The following HIVEP3 variants were observed in gnomAD, a reference collection of about 807,000 sequenced individuals.
HIVEP3 encodes the protein transcription factor HIVEP3.
In HIVEP3, 49 loss-of-function variants were observed where a neutral mutation model predicts 152.8. That is an observed-to-expected ratio of 0.32 (90% CI 0.26 to 0.41). The LOEUF is 0.41. Among genes scored for constraint, HIVEP3 ranks in the 10% least tolerant of loss-of-function variants. The probability of loss-of-function intolerance (pLI) is 1.00; values close to 1 mark genes in which losing one functional copy is unlikely to be tolerated. For synonymous variants in HIVEP3, 1,269 were observed against 1,289.0 expected, an observed-to-expected ratio of 0.98 and a Z score of 0.33; for missense variants, 2,790 against 3,103.3, an observed-to-expected ratio of 0.90 and a Z score of 2.40.
At chr1:41,963,277 C>T (rs1026869613) in intron 1 of HIVEP3, among the ~76,000 whole-genome samples, 1 of 152,210 alleles carries the variant, frequency 6.6e-6, no homozygotes, top group Non-Finnish European at 1.5e-5. Context: ...TCCCAAAGTG[C>T]TGGGATTACG....
chr1:41,855,024 A>C (rs367982373), intron 1 of HIVEP3, among the ~76,000 whole-genome samples: 2 of 95,066 alleles, frequency 2.1e-5, no homozygotes, highest in East Asian at 2.4e-4. Context: ...ATTTATACTC[A>C]TTTGGGTATA....
At chr1:41,776,711 C>G (rs1028495270) in intron 1 of HIVEP3, among the ~76,000 whole-genome samples, 1 of 152,242 alleles carries the variant, frequency 6.6e-6, no homozygotes, top group African/African-American at 2.4e-5. Context: ...AGGTGTTTCC[C>G]TCTCCATTTC....
chr1:41,891,546 G>A (rs1306774766), intron 1 of HIVEP3, among the ~76,000 whole-genome samples: 2 of 152,160 alleles, frequency 1.3e-5, no homozygotes, highest in Non-Finnish European at 2.9e-5. Flanking sequence ...GGGTCCACCA[G>A]GCCCAGCATT....
intron 2 of HIVEP3, among the ~76,000 whole-genome samples, chr1:41,668,244 G>A (rs1645825099): frequency 6.6e-6 from 1 of 152,248 alleles, no homozygotes; most frequent in Non-Finnish European, 1.5e-5. Flanking sequence ...TGGTTCCGGA[G>A]AGGCCTTGCA....
chr1:41,695,252 G>C (rs759806843), intron 2 of HIVEP3, among the ~76,000 whole-genome samples: 34 of 152,272 alleles, frequency 2.2e-4, no homozygotes, highest in Non-Finnish European at 4.6e-4. Context: ...TCTGGAGATG[G>C]CCCTCCAGAG....
intron 5 of HIVEP3, among the ~76,000 whole-genome samples, chr1:41,575,008 C>A (rs1644305781): frequency 6.6e-6 from 1 of 152,138 alleles, no homozygotes; most frequent in Non-Finnish European, 1.5e-5. Flanking sequence ...AAATATTCAC[C>A]AACCATTGAG....
intron 1 of HIVEP3, among the ~76,000 whole-genome samples, chr1:41,964,101 G>C (rs1645184267): frequency 6.6e-6 from 1 of 152,238 alleles, no homozygotes; most frequent in African/African-American, 2.4e-5. Flanking sequence ...AGTTATTAAA[G>C]GAAAACTTGT....
chr1:41,545,074 A>C (rs62653702), intron 5 of HIVEP3, among the ~76,000 whole-genome samples: 52,856 of 73,186 alleles, frequency 0.72, 18,162 homozygotes, highest in Non-Finnish European at 0.76. Context: ...ACCACCACCA[A>C]CATCACCACC....
intron 1 of HIVEP3, among the ~76,000 whole-genome samples, chr1:41,960,115 C>T (rs1403930733): frequency 1.3e-5 from 2 of 152,156 alleles, no homozygotes; most frequent in Non-Finnish European, 2.9e-5. Context: ...GCTCAGACCC[C>T]CTCAGGATGA....
intron 6 of HIVEP3, among the ~76,000 whole-genome samples, chr1:41,521,089 G>C (rs868753837): frequency 6.6e-6 from 1 of 152,164 alleles, no homozygotes; most frequent in African/African-American, 2.4e-5. Context: ...CCACTTGCCA[G>C]CTGTGGGCTC....
chr1:41,610,167 A>G (rs1273625325), intron 3 of HIVEP3, among the ~76,000 whole-genome samples: 1 of 152,122 alleles, frequency 6.6e-6, no homozygotes, highest in Non-Finnish European at 1.5e-5. Context: ...CTCTCTCTGT[A>G]TACACACACA....
intron 3 of HIVEP3, among the ~76,000 whole-genome samples, chr1:41,605,127 A>AAAGGG (rs1208601655): frequency 7.8e-5 from 10 of 127,782 alleles, no homozygotes; most frequent in Admixed American, 1.6e-4. Flanking sequence ...AAAAAAAGAG[A>AAAGGG]AAGGGAAGGG....
intron 2 of HIVEP3, among the ~76,000 whole-genome samples, chr1:41,686,224 A>G (rs1646113913): frequency 6.6e-6 from 1 of 151,862 alleles, no homozygotes; most frequent in African/African-American, 2.4e-5. Context: ...GGCACACACC[A>G]CCACGCCAGG....
intron 5 of HIVEP3, among the ~76,000 whole-genome samples, chr1:41,565,005 C>T (rs773747134): frequency 2.8e-4 from 42 of 152,134 alleles, no homozygotes; most frequent in Non-Finnish European, 5.4e-4. Flanking sequence ...ATGCACAGAG[C>T]GTCAGGTGCT....
chr1:41,909,333 T>C (rs1644761717), intron 1 of HIVEP3, among the ~76,000 whole-genome samples: 1 of 152,146 alleles, frequency 6.6e-6, no homozygotes, highest in African/African-American at 2.4e-5. Context: ...TTGGTAGACC[T>C]ACATTAATAT....
chr1:41,813,791 C>T (rs185495054), intron 1 of HIVEP3, among the ~76,000 whole-genome samples: 154 of 152,298 alleles, frequency 1.0e-3, no homozygotes, highest in African/African-American at 3.1e-3. Context: ...AGGGTCTTCA[C>T]AGCCAGCCTC....
chr1:41,670,528 C>A (rs1026896091), intron 2 of HIVEP3, among the ~76,000 whole-genome samples: 55 of 152,142 alleles, frequency 3.6e-4, no homozygotes, highest in African/African-American at 1.3e-3. Context: ...AAATCTCTGC[C>A]CCATGGAACT....
At chr1:42,006,327 C>T (rs1400925586) in intron 1 of HIVEP3, among the ~76,000 whole-genome samples, 1 of 152,068 alleles carries the variant, frequency 6.6e-6, no homozygotes, top group Non-Finnish European at 1.5e-5. Context: ...AAGTACCCTG[C>T]TAACTGCAAA....
rs545286503 is a variant in HIVEP3 at position 41,719,879 on chromosome 1, A to G, written c.-800-18884T>C. On this transcript the variant is annotated intron_variant, in intron 1 of 8. Coordinates refer to ENST00000372583, the MANE Select transcript of HIVEP3 (RefSeq NM_024503.5). ...AGTCCTATATCTGGTAAACTGGCAG[A>G]GCCAGGCTAGGAAGCCCAGACGCTT... Among the ~76,000 whole-genome samples, 9 of 152,352 alleles carry G rather than the reference A, an allele frequency of 5.9e-5. No homozygotes were observed. In the South Asian group the frequency reaches 1.9e-3, roughly 32 times the overall value.
Sources: gnomAD v4.1 joint callset for allele counts (sites outside exome capture counted in the v4.1 genomes callset) on GRCh38, gnomAD v4.1.1 for gene constraint, MANE v1.5 for transcripts, NCBI Gene and HGNC (gene_info 2026-07-23, HGNC 2026-07-21) for gene names.